SOX5: variants seen among roughly 807,000 people sequenced by gnomAD.
The protein encoded by SOX5 is transcription factor SOX-5.
Under a neutral mutation model 92.0 loss-of-function variants are expected in SOX5, and 9 were observed. The ratio of observed to expected loss-of-function variants is 0.10; its 90% CI spans 0.06 to 0.17. The LOEUF (loss-of-function observed/expected upper bound fraction) is 0.17, where lower values mean the gene tolerates loss of function less well. Among genes scored for constraint, SOX5 ranks in the 10% least tolerant of loss-of-function variants. The pLI is 1.00. For missense variants in SOX5, 642 were observed against 944.5 expected (o/e 0.68, Z 4.20); for synonymous variants, 344 against 336.3 (o/e 1.02, Z -0.25).
intron 1 of SOX5, among the ~76,000 whole-genome samples, chr12:23,934,172 T>C (rs1454521551): frequency 6.6e-6 from 1 of 151,396 alleles, no homozygotes; most frequent in Non-Finnish European, 1.5e-5. Context: ...AATTATTCCC[T>C]CAGATATCAG....
chr12:24,116,507 A>G (rs563686428), intron 4 of SOX5, among the ~76,000 whole-genome samples: 1 of 152,292 alleles, frequency 6.6e-6, no homozygotes, highest in Non-Finnish European at 1.5e-5. Context: ...GAGTAGTCTC[A>G]GTAATTCTTT....
chr12:24,001,799 T>A (rs559271975), intron 4 of SOX5, among the ~76,000 whole-genome samples: 5 of 152,270 alleles, frequency 3.3e-5, no homozygotes, highest in African/African-American at 1.2e-4. Context: ...ACAGGAGGAC[T>A]TGAAGAACAG....
At chr12:23,980,763 A>T (rs900057507) in intron 4 of SOX5, among the ~76,000 whole-genome samples, 1 of 152,054 alleles carries the variant, frequency 6.6e-6, no homozygotes, top group African/African-American at 2.4e-5. Flanking sequence ...CACATGGCTC[A>T]TGAATCACCC....
intron 8 of SOX5, among the ~76,000 whole-genome samples, chr12:23,608,996 C>T (rs974028903): frequency 4.6e-5 from 7 of 151,894 alleles, no homozygotes; most frequent in African/African-American, 1.7e-4. Context: ...ATGTCACTGT[C>T]GAAGGTGTTA....
At chr12:24,506,621 A>C (rs138730191) in intron 1 of SOX5, among the ~76,000 whole-genome samples, 2 of 151,978 alleles carry the variant, frequency 1.3e-5, no homozygotes, top group African/African-American at 4.8e-5. Flanking sequence ...GAGAGTGGCT[A>C]TAGTTTGGCT....
At chr12:23,892,495 T>A (rs961101932) in intron 2 of SOX5, among the ~76,000 whole-genome samples, 1 of 152,194 alleles carries the variant, frequency 6.6e-6, no homozygotes, top group African/African-American at 2.4e-5. Flanking sequence ...CTAAATCCTA[T>A]GTGCAACAGA....
intron 4 of SOX5, among the ~76,000 whole-genome samples, chr12:23,741,291 T>A (rs184454851): frequency 1.6e-4 from 24 of 152,340 alleles, no homozygotes; most frequent in Admixed American, 7.2e-4. Flanking sequence ...AATTCCATAA[T>A]GACCAAACAT....
chr12:24,536,876 A>C (rs1335797834), intron 1 of SOX5, among the ~76,000 whole-genome samples: 2 of 152,220 alleles, frequency 1.3e-5, no homozygotes, highest in Middle Eastern at 3.2e-3. Flanking sequence ...TAGGGAAAAA[A>C]ACATGCAGAA....
chr12:24,019,479 C>T (rs1485557572), intron 4 of SOX5, among the ~76,000 whole-genome samples: 3 of 152,146 alleles, frequency 2.0e-5, no homozygotes, highest in East Asian at 1.9e-4. Flanking sequence ...TCCACTGGCC[C>T]ATCTTCCTGT....
chr12:24,526,051 T>C (rs1324929931), intron 1 of SOX5, among the ~76,000 whole-genome samples: 1 of 152,006 alleles, frequency 6.6e-6, no homozygotes, highest in Non-Finnish European at 1.5e-5. Flanking sequence ...TTGTACTTTC[T>C]GTAGAGACAG....
intron 2 of SOX5, among the ~76,000 whole-genome samples, chr12:24,355,280 ATCTTTTTTTTTTT>A (rs1954666092): frequency 3.6e-5 from 3 of 84,028 alleles, no homozygotes; most frequent in African/African-American, 1.7e-4. Flanking sequence ...TGAGGGGTGC[ATCTTTTTTTTTTT>A]TTTTTTTTTT....
intron 4 of SOX5, among the ~76,000 whole-genome samples, chr12:24,003,942 A>C (rs1424577712): frequency 6.6e-6 from 1 of 152,086 alleles, no homozygotes; most frequent in Non-Finnish European, 1.5e-5. Context: ...CTGTCATAAG[A>C]TGAGATATGT....
At chr12:24,535,677 G>T (rs560254769) in intron 1 of SOX5, among the ~76,000 whole-genome samples, 23 of 152,306 alleles carry the variant, frequency 1.5e-4, no homozygotes, top group Middle Eastern at 3.4e-3. Flanking sequence ...TGTTGCTAGA[G>T]CATGAAGTAT....
intron 7 of SOX5, among the ~76,000 whole-genome samples, chr12:23,656,393 C>G (rs1179420591): frequency 1.3e-5 from 2 of 151,972 alleles, no homozygotes; most frequent in Admixed American, 1.3e-4. Context: ...ATATCACATA[C>G]TAGAAATGGA....
chr12:24,372,110 T>C (rs762002304), intron 1 of SOX5, among the ~76,000 whole-genome samples: 24 of 152,132 alleles, frequency 1.6e-4, no homozygotes, highest in Non-Finnish European at 2.2e-4. Context: ...TTTTAAAAGG[T>C]GAAAGTAAGT....
chr12:24,220,074 A>T (rs533623416), intron 3 of SOX5, among the ~76,000 whole-genome samples: 35 of 152,198 alleles, frequency 2.3e-4, no homozygotes, highest in African/African-American at 7.9e-4. Flanking sequence ...AGTTAAGTAG[A>T]TTAATCAGAC....
chr12:23,806,600 A>AG (rs1321651704), intron 3 of SOX5, among the ~76,000 whole-genome samples: 1 of 112,180 alleles, frequency 8.9e-6, no homozygotes, highest in African/African-American at 3.6e-5. Flanking sequence ...AAAAAAAAAG[A>AG]AAAAAAAAAC....
At chr12:23,993,975 G>C (rs190416458) in intron 4 of SOX5, among the ~76,000 whole-genome samples, 150 of 152,108 alleles carry the variant, frequency 9.9e-4, no homozygotes, top group Non-Finnish European at 1.7e-3. Context: ...ATAGCTGGGT[G>C]TGGTGGCGTG....
At chr12:23,742,302 G>T (rs1196807629) in intron 4 of SOX5, among the ~76,000 whole-genome samples, 1 of 152,102 alleles carries the variant, frequency 6.6e-6, no homozygotes, top group Non-Finnish European at 1.5e-5. Flanking sequence ...GCATAGAGAA[G>T]AAATATTCAG....
Sources: allele counts gnomAD v4.1 joint callset (sites outside exome capture counted in the v4.1 genomes callset), GRCh38; gene constraint gnomAD v4.1.1; transcripts MANE v1.5; gene names NCBI Gene and HGNC (gene_info 2026-07-23, HGNC 2026-07-21).